The following XNDC1N variants were observed in gnomAD, a reference collection of about 807,000 sequenced individuals.
XNDC1N encodes XRCC1 N-terminal domain containing 1, N-terminal like, also known as protein XNDC1N.
the XNDC1N span, among the ~76,000 whole-genome samples, chr11:71,900,093 A>C: frequency 1.7e-4 from 26 of 152,330 alleles, no homozygotes; most frequent in Admixed American, 5.2e-4. Context: ...CTTGAACTTC[A>C]TTATGACATA....
chr11:71,865,771 G>GTT, the XNDC1N span: 1,032 of 360,668 alleles, frequency 2.9e-3, no homozygotes, highest in South Asian at 4.1e-3. Flanking sequence ...GAGAAGAACA[G>GTT]TTTTTTTTTT....
chr11:71,921,877 G>A, the XNDC1N span, among the ~76,000 whole-genome samples: 3 of 152,094 alleles, frequency 2.0e-5, no homozygotes, highest in Admixed American at 6.6e-5. Flanking sequence ...AGTCTATGAA[G>A]CAGTTGGGCA....
the XNDC1N span, among the ~76,000 whole-genome samples, chr11:71,896,982 C>CAGCA: frequency 2.0e-5 from 3 of 152,052 alleles, no homozygotes; most frequent in Non-Finnish European, 4.4e-5. Flanking sequence ...ATTGGTGGAA[C>CAGCA]AGCAGCCTTT....
At chr11:71,918,896 T>C in the XNDC1N span, 1 of 702,638 alleles carries the variant, frequency 1.4e-6, no homozygotes, top group Non-Finnish European at 2.6e-6. Context: ...CACATCAATG[T>C]AGCCAGTGGG....
the XNDC1N span, among the ~76,000 whole-genome samples, chr11:71,881,381 T>TA: frequency 6.6e-6 from 1 of 152,136 alleles, no homozygotes; most frequent in African/African-American, 2.4e-5. Context: ...AAGTACCACA[T>TA]AATGGGTGCC....
the XNDC1N span, among the ~76,000 whole-genome samples, chr11:71,905,270 C>T: frequency 9.2e-5 from 14 of 151,972 alleles, no homozygotes; most frequent in South Asian, 4.2e-4. Flanking sequence ...TTGGATATTC[C>T]GAATGCTATC....
the XNDC1N span, among the ~76,000 whole-genome samples, chr11:71,909,653 T>C: frequency 6.8e-3 from 1,041 of 152,274 alleles, 7 homozygotes; most frequent in Middle Eastern, 0.034. Context: ...GTAACCGCCC[T>C]TGTTGCCCCC....
At chr11:71,905,962 A>T in the XNDC1N span, among the ~76,000 whole-genome samples, 1 of 152,118 alleles carries the variant, frequency 6.6e-6, no homozygotes, top group South Asian at 2.1e-4. Context: ...TAGGAGTAGC[A>T]TCCCCCTACA....
the XNDC1N span, among the ~76,000 whole-genome samples, chr11:71,906,352 T>C: frequency 6.6e-6 from 1 of 151,922 alleles, no homozygotes; most frequent in African/African-American, 2.4e-5. Context: ...TAGAATATCA[T>C]GAATAATATC....
the XNDC1N span, chr11:71,893,649 C>T: frequency 3.4e-6 from 4 of 1,190,160 alleles, no homozygotes; most frequent in Non-Finnish European, 2.5e-6. Context: ...CCCCCACGTA[C>T]TTCTTCCTCT....
At chr11:71,889,713 T>A in the XNDC1N span, among the ~76,000 whole-genome samples, 15 of 152,272 alleles carry the variant, frequency 9.9e-5, no homozygotes, top group African/African-American at 3.6e-4. Flanking sequence ...GACAGCATGA[T>A]ATGAGGCAAG....
the XNDC1N span, among the ~76,000 whole-genome samples, chr11:71,869,228 T>C: frequency 2.0e-5 from 3 of 149,410 alleles, no homozygotes; most frequent in Non-Finnish European, 4.4e-5. Flanking sequence ...CAGGCATCAG[T>C]GTGTGATGTT....
chr11:71,866,897 TAG>T, the XNDC1N span, among the ~76,000 whole-genome samples: 1 of 152,280 alleles, frequency 6.6e-6, no homozygotes, highest in South Asian at 2.1e-4. Flanking sequence ...ATCGAGACAA[TAG>T]AGTTTCCAAA....
At chr11:71,908,897 T>C in the XNDC1N span, among the ~76,000 whole-genome samples, 68 of 151,946 alleles carry the variant, frequency 4.5e-4, no homozygotes, top group Non-Finnish European at 7.9e-4. Context: ...TGGACCCACA[T>C]GAAAGAGGGG....
chr11:71,889,801 T>C, the XNDC1N span, among the ~76,000 whole-genome samples: 1 of 152,036 alleles, frequency 6.6e-6, no homozygotes, highest in South Asian at 2.1e-4. Flanking sequence ...CACAGAGATG[T>C]CAAAATGTGG....
At chr11:71,919,973 A>T in the XNDC1N span, among the ~76,000 whole-genome samples, 1,696 of 26,920 alleles carry the variant, frequency 0.063, 53 homozygotes, top group African/African-American at 0.16. Flanking sequence ...TTTTTTTGAG[A>T]CAGAGTCTCG....
chr11:71,875,702 C>G, the XNDC1N span, among the ~76,000 whole-genome samples: 1 of 151,790 alleles, frequency 6.6e-6, no homozygotes, highest in African/African-American at 2.4e-5. Context: ...AGGATATTGA[C>G]AGACTTAAAG....
chr11:71,897,674 C>G, the XNDC1N span, among the ~76,000 whole-genome samples: 2 of 152,106 alleles, frequency 1.3e-5, no homozygotes, highest in African/African-American at 4.8e-5. Context: ...AAATTAGAAA[C>G]AGAATGATCA....
the XNDC1N span, among the ~76,000 whole-genome samples, chr11:71,877,809 A>G: frequency 6.6e-6 from 1 of 151,976 alleles, no homozygotes; most frequent in Non-Finnish European, 1.5e-5. Flanking sequence ...TGTATATATT[A>G]TTTGCTTTCC....
Sources: allele counts gnomAD v4.1 joint callset (sites outside exome capture counted in the v4.1 genomes callset), GRCh38; gene constraint gnomAD v4.1.1; transcripts MANE v1.5; gene names NCBI Gene and HGNC (gene_info 2026-07-23, HGNC 2026-07-21).